Variants in FOXQ1 observed in about 807,000 individuals in gnomAD.
The protein encoded by FOXQ1 is forkhead box Q1.
Under a neutral mutation model 0.6 loss-of-function variants are expected in FOXQ1, and 1 was observed. The observed-to-expected ratio is 1.73, with a 90% CI of 0.61 to 8.20. The LOEUF is 8.20. Among genes scored for constraint, FOXQ1 ranks in the 30% most tolerant of loss-of-function variants. The probability of loss-of-function intolerance (pLI) is 0.13; values close to 1 mark genes in which losing one functional copy is unlikely to be tolerated. For synonymous variants in FOXQ1, 377 were observed against 294.4 expected (o/e 1.28, Z -2.87); for missense variants, 734 against 595.6 (o/e 1.23, Z -2.42).
In FOXQ1 at chr6:1,312,840, T is replaced by C. The variant is rs1202336607; in HGVS notation, c.136T>C (p.Cys46Arg). 7.7e-7 allele frequency: 1 copy of C among 1,292,426 alleles called. No homozygotes were observed. Among genetic ancestry groups the C allele is most frequent in the Non-Finnish European group, 9.8e-7 (1 of 1,022,512 alleles). 80.1% of individuals were successfully genotyped at this position (1,292,426 alleles called of 1,614,324 possible). ...CGACTCCCTGGGCTCAGATGGGGACTGCGCGGCCAACAGCCCGGCCGCGGG... is the reference window on the plus strand; with the variant it reads ...CGACTCCCTGGGCTCAGATGGGGACCGCGCGGCCAACAGCCCGGCCGCGGG... Reference protein sequence around the residue: ...GDDSLGSDGDCAANSPAAGGG... With the variant: ...GDDSLGSDGDRAANSPAAGGG... The change falls in exon 1 of 1, where the codon TGC (cysteine) becomes CGC (arginine). Residue 46 changes from cysteine to arginine, a missense_variant. Cys to Arg is a radical substitution (Grantham distance 180, BLOSUM62 -3). Transcript: ENST00000296839.
chr6:1,313,948 C>G lies in FOXQ1; in HGVS notation c.*32C>G. On this transcript the variant is annotated 3_prime_UTR_variant, in exon 1 of 1. Coordinates refer to ENST00000296839, the MANE Select transcript of FOXQ1 (RefSeq NM_033260.4). The surrounding 1 kb of genome is among the most constrained non-coding windows in gnomAD (Gnocchi z 5.2). ...CCGCGGGGCCCGGGAACGCCGAGTG[C>G]GCGCCGTCGGGGAGGCGGGAACGCG... 4 of 1,223,060 alleles carry G rather than the reference C, an allele frequency of 3.3e-6. No homozygotes were observed. The highest frequency in any genetic ancestry group is 4.1e-6 in the Non-Finnish European group (4 of 981,174). The allele number at this position is 1,223,060 out of a possible 1,614,324, so 75.8% of individuals were successfully genotyped here. A position where few individuals can be genotyped will look rare whatever the true frequency, so the allele number is the denominator to read the frequency against.
rs1757577526 is a variant in FOXQ1, at chr6:1,313,135, A to G, written c.431A>G (p.Glu144Gly). The G allele has an allele frequency of 1.9e-6, 3 of 1,607,922 alleles. No homozygotes were observed. The highest frequency in any genetic ancestry group is 3.4e-5 in the Admixed American group (2 of 59,692). Residue 144 changes from glutamate (E) to glycine (G), a missense_variant, in exon 1 of 1, where the codon GAG becomes GGG. By Grantham distance (98) the Glu-to-Gly change is moderately conservative (BLOSUM62 -2). Transcript: ENST00000296839. The surrounding 1 kb of genome is among the most constrained non-coding windows in gnomAD (Gnocchi z 5.2). ...GCGGGCGGGCGCTTGACGCTGGCGG[A>G]GATCAACGAGTACCTCATGGGCAAG... is the stretch of plus-strand genomic sequence containing the variant. The part of the protein sequence containing the change: ...DSAGGRLTLA[E>G]INEYLMGKFP...
At position 1,312,717 on chromosome 6, in the gene FOXQ1, G is replaced by A. The variant is rs1757566858; in HGVS notation, c.13G>A (p.Val5Met). Residue 5 changes from valine to methionine, a missense_variant, in exon 1 of 1, where the codon GTG becomes ATG. Physicochemically the swap from Val to Met is conservative, Grantham distance 21. Transcript: ENST00000296839. MKLE[V>M]FVPRAAHGDK... The stretch of plus-strand genomic sequence containing the variant: ...TGGGTGCGCGGGCATGAAGTTGGAG[G>A]TGTTCGTCCCTCGCGCGGCCCACGG... 1.5e-6 allele frequency: 2 copies of A among 1,359,242 alleles called. No individual in the cohort carries two copies. The highest frequency in any genetic ancestry group is 3.5e-5 in the Admixed American group (1 of 28,298). 84.2% of individuals were successfully genotyped at this position (1,359,242 alleles called of 1,614,324 possible).
In FOXQ1 at chr6:1,313,649, G is replaced by A. The variant is rs1323232287; in HGVS notation, c.945G>A (p.Ala315=). 3.2e-5 allele frequency: 33 copies of A among 1,046,882 alleles called. No homozygotes were observed. The highest frequency in any genetic ancestry group is 3.5e-5 in the Non-Finnish European group (31 of 873,462). 64.8% of individuals were successfully genotyped at this position (1,046,882 alleles called of 1,614,324 possible). The change falls in exon 1 of 1, where the codon GCG becomes GCA. Residue 315 remains alanine (A), a synonymous_variant. Coordinates refer to ENST00000296839, the MANE Select transcript of FOXQ1 (RefSeq NM_033260.4). The surrounding 1 kb of genome is among the most constrained non-coding windows in gnomAD (Gnocchi z 5.2). The part of the protein sequence containing the change: ...LPAFPALLPA[A]PCRALLPLCA... Reference sequence around the variant, plus strand: ...CGTTCCCCGCGCTCCTCCCCGCGGCGCCCTGCAGGGCCCTGCTGCCGCTCT... The same window carrying A: ...CGTTCCCCGCGCTCCTCCCCGCGGCACCCTGCAGGGCCCTGCTGCCGCTCT...
chr6:1,312,438 G>A lies in FOXQ1; in HGVS notation c.-267G>A. ...GGCCCCTGCACACACTCACCCCAAA[G>A]TCTCAACGTCGAACCGAAGGCGACA... is the stretch of plus-strand genomic sequence containing the variant. On this transcript the variant is annotated 5_prime_UTR_variant, in exon 1 of 1. Coordinates refer to ENST00000296839, the MANE Select transcript of FOXQ1 (RefSeq NM_033260.4). The A allele has an allele frequency of 2.6e-6, 1 of 387,392 alleles. No homozygotes were observed. The highest frequency in any genetic ancestry group is 4.2e-5 in the East Asian group (1 of 23,884). The allele number at this position is 387,392 out of a possible 1,614,324, so 24.0% of individuals were successfully genotyped here.
rs1437066329 is a variant in FOXQ1 at position 1,313,072 on chromosome 6, C to G, written c.368C>G (p.Ser123Trp). The G allele has an allele frequency of 4.4e-6, 7 of 1,605,124 alleles. No individual in the cohort carries two copies. Among genetic ancestry groups the G allele is most frequent in the African/African-American group, 1.3e-5 (1 of 74,218 alleles). The change falls in exon 1 of 1, where the codon TCG becomes TGG. Residue 123 changes from serine to tryptophan, a missense_variant. By Grantham distance (177) the Ser-to-Trp change is radical (BLOSUM62 -3). Transcript: ENST00000296839. This position sits in a 1 kb window ranked among gnomAD's most constrained non-coding sequence, Gnocchi z 5.2. ...PYTRRPKPPY[S>W]YIALIAMAIR... ...ACGCGGCGGCCCAAGCCCCCCTACTCGTACATCGCGCTCATCGCCATGGCC... is the reference window on the plus strand; with the variant it reads ...ACGCGGCGGCCCAAGCCCCCCTACTGGTACATCGCGCTCATCGCCATGGCC...
rs1757562055 is a variant in FOXQ1, at chr6:1,312,484, C to T, written c.-221C>T. ...CGACACCCACCCAACTCCTCCCTCT[C>T]CGCCCCATAGTCCACCCAACACTTG... On this transcript the variant is annotated 5_prime_UTR_variant, in exon 1 of 1. Coordinates refer to ENST00000296839, the MANE Select transcript of FOXQ1 (RefSeq NM_033260.4). 3.1e-6 allele frequency: 2 copies of T among 636,372 alleles called. No homozygotes were observed. The highest frequency in any genetic ancestry group is 3.5e-5 in the East Asian group (1 of 28,268). 39.4% of individuals were successfully genotyped at this position (636,372 alleles called of 1,614,324 possible). A position where few individuals can be genotyped will look rare whatever the true frequency, so the allele number is the denominator to read the frequency against.
In FOXQ1 at chr6:1,313,189, G is replaced by C. The variant is rs756796045; in HGVS notation, c.485G>C (p.Gly162Ala). The change falls in exon 1 of 1, where the codon GGC (glycine) becomes GCC (alanine). Residue 162 changes from glycine to alanine, a missense_variant. Transcript: ENST00000296839. This position sits in a 1 kb window ranked among gnomAD's most constrained non-coding sequence, Gnocchi z 5.2. ...CCCTTTTTCCGCGGCAGCTACACGG[G>C]CTGGCGCAACTCCGTGCGCCACAAC... ...KFPFFRGSYT[G>A]WRNSVRHNLS... The C allele has an allele frequency of 2.5e-6, 4 of 1,610,106 alleles. No individual in the cohort carries two copies. The highest frequency in any genetic ancestry group is 3.4e-6 in the Non-Finnish European group (4 of 1,178,678).
At position 1,312,616 on chromosome 6, in the gene FOXQ1, C is replaced by T; in HGVS notation, c.-89C>T. 1 of 1,263,046 alleles carries T rather than the reference C, an allele frequency of 7.9e-7. No homozygotes were observed. The allele number at this position is 1,263,046 out of a possible 1,614,324, so 78.2% of individuals were successfully genotyped here. A position where few individuals can be genotyped will look rare whatever the true frequency, so the allele number is the denominator to read the frequency against. On this transcript the variant is annotated 5_prime_UTR_variant, in exon 1 of 1. Coordinates refer to ENST00000296839, the MANE Select transcript of FOXQ1 (RefSeq NM_033260.4). Reference sequence around the variant, plus strand: ...AGAAAAAGGCGAAGATCCCCGGCCCCGGATCGCCATCCCCTTCCCTGGCAC... The same window carrying T: ...AGAAAAAGGCGAAGATCCCCGGCCCTGGATCGCCATCCCCTTCCCTGGCAC...
In FOXQ1 at chr6:1,312,786, G is replaced by T; in HGVS notation, c.82G>T (p.Ala28Ser). The T allele has an allele frequency of 7.6e-7, 1 of 1,308,160 alleles. No homozygotes were observed. The highest frequency in any genetic ancestry group is 9.7e-7 in the Non-Finnish European group (1 of 1,030,420). 81.0% of individuals were successfully genotyped at this position (1,308,160 alleles called of 1,614,324 possible). The change falls in exon 1 of 1, where the codon GCG (alanine) becomes TCG (serine). Residue 28 changes from alanine (A) to serine (S), a missense_variant. Physicochemically the swap from Ala to Ser is moderately conservative, Grantham distance 99. Transcript: ENST00000296839. Reference sequence around the variant, plus strand: ...CCTGGAGGGCGCGGGCGGCAGCGACGCGCCGTCCCCGCTGTCGGCGGCGGG... The same window carrying T: ...CCTGGAGGGCGCGGGCGGCAGCGACTCGCCGTCCCCGCTGTCGGCGGCGGG... Reference protein sequence around the residue: ...SDLEGAGGSDAPSPLSAAGDD... With the variant: ...SDLEGAGGSDSPSPLSAAGDD...
Position 1,312,579 on chromosome 6 carries a change from A to C in FOXQ1, c.-126A>C. 56 of 1,184,464 alleles carry C rather than the reference A, an allele frequency of 4.7e-5. No homozygotes were observed. The highest frequency in any genetic ancestry group is 7.9e-5 in the African/African-American group (5 of 63,238). The allele number at this position is 1,184,464 out of a possible 1,614,324, so 73.4% of individuals were successfully genotyped here. ...AGTGACTATCTCGGAAGACCAGGGT[A>C]GAGCTCCCGGGAGAAAAAGGCGAAG... On this transcript the variant is annotated 5_prime_UTR_variant, in exon 1 of 1. Transcript: ENST00000296839.
In FOXQ1 at chr6:1,314,475, A is replaced by G. The variant is rs1307247855; in HGVS notation, c.*559A>G. 1 of 166,848 alleles carries G rather than the reference A, an allele frequency of 6.0e-6. No individual in the cohort carries two copies. Among genetic ancestry groups the G allele is most frequent in the Non-Finnish European group, 1.5e-5 (1 of 68,130 alleles). 10.3% of individuals were successfully genotyped at this position (166,848 alleles called of 1,614,324 possible). A position where few individuals can be genotyped will look rare whatever the true frequency, so the allele number is the denominator to read the frequency against. Reference sequence around the variant, plus strand: ...AAAAAAAATGTTGGGTTTTGTAATTAAATTATTTATATATTTTTGAAACCC... The same window carrying G: ...AAAAAAAATGTTGGGTTTTGTAATTGAATTATTTATATATTTTTGAAACCC... On this transcript the variant is annotated 3_prime_UTR_variant, in exon 1 of 1. Coordinates refer to ENST00000296839, the MANE Select transcript of FOXQ1 (RefSeq NM_033260.4).
rs769346486 is a variant in FOXQ1, at chr6:1,313,377, C to T, written c.673C>T (p.Pro225Ser). The T allele has an allele frequency of 8.3e-6, 12 of 1,447,352 alleles. No individual in the cohort carries two copies. The Admixed American group carries it at 1.3e-4, about 15-fold the overall frequency. The allele number at this position is 1,447,352 out of a possible 1,614,324, so 89.7% of individuals were successfully genotyped here. Reference protein sequence around the residue: ...RLSHRAPVPAPGLRPEEAPGL... With the variant: ...RLSHRAPVPASGLRPEEAPGL... Reference sequence around the variant, plus strand: ...CAGCCACCGCGCGCCGGTCCCCGCGCCCGGGCTGCGGCCCGAGGAGGCCCC... The same window carrying T: ...CAGCCACCGCGCGCCGGTCCCCGCGTCCGGGCTGCGGCCCGAGGAGGCCCC... The change falls in exon 1 of 1, where the codon CCC becomes TCC. Residue 225 changes from proline to serine, a missense_variant. Coordinates refer to ENST00000296839, the MANE Select transcript of FOXQ1 (RefSeq NM_033260.4). This position sits in a 1 kb window ranked among gnomAD's most constrained non-coding sequence, Gnocchi z 5.2.
chr6:1,314,064 C>A lies in FOXQ1; in HGVS notation c.*148C>A. 3 of 1,069,034 alleles carry A rather than the reference C, an allele frequency of 2.8e-6. No individual in the cohort carries two copies. The highest frequency in any genetic ancestry group is 3.6e-6 in the Non-Finnish European group (3 of 834,608). The allele number at this position is 1,069,034 out of a possible 1,614,324, so 66.2% of individuals were successfully genotyped here. On this transcript the variant is annotated 3_prime_UTR_variant, in exon 1 of 1. Coordinates refer to ENST00000296839, the MANE Select transcript of FOXQ1 (RefSeq NM_033260.4). ...GTGCCTTAAAGCTAAAGCATTTTGA[C>A]AGGAGTATTTAAACTTAGTCCAGGA...
At position 1,312,768 on chromosome 6, in the gene FOXQ1, G is replaced by A. The variant is rs1410357339; in HGVS notation, c.64G>A (p.Gly22Ser). 18 of 1,318,270 alleles carry A rather than the reference G, an allele frequency of 1.4e-5. No individual in the cohort carries two copies. Among genetic ancestry groups the A allele is most frequent in the African/African-American group, 4.6e-5 (3 of 65,036 alleles). The allele number at this position is 1,318,270 out of a possible 1,614,324, so 81.7% of individuals were successfully genotyped here. The change falls in exon 1 of 1, where the codon GGC becomes AGC. Residue 22 changes from glycine to serine, a missense_variant. Physicochemically the swap from Gly to Ser is moderately conservative, Grantham distance 56. Transcript: ENST00000296839. ...GGACAAGCAGGGCAGTGACCTGGAG[G>A]GCGCGGGCGGCAGCGACGCGCCGTC... ...HGDKQGSDLE[G>S]AGGSDAPSPL...
In FOXQ1 at chr6:1,313,318, C is replaced by A; in HGVS notation, c.614C>A (p.Ala205Asp). 6.3e-7 allele frequency: 1 copy of A among 1,578,514 alleles called. No homozygotes were observed. Among genetic ancestry groups the A allele is most frequent in the Non-Finnish European group, 8.6e-7 (1 of 1,164,158 alleles). The stretch of plus-strand genomic sequence containing the variant: ...AACCCCAACAGCGAGTACACCTTCG[C>A]CGACGGGGTCTTCCGCCGCCGCCGC... Reference protein sequence around the residue: ...MLNPNSEYTFADGVFRRRRKR... With the variant: ...MLNPNSEYTFDDGVFRRRRKR... The change falls in exon 1 of 1, where the codon GCC (alanine) becomes GAC (aspartate). Residue 205 changes from alanine to aspartate, a missense_variant. Ala to Asp is a moderately radical substitution (Grantham distance 126). Transcript: ENST00000296839. The surrounding 1 kb of genome is among the most constrained non-coding windows in gnomAD (Gnocchi z 5.2).
Position 1,313,758 on chromosome 6 carries a change from C to T in FOXQ1, c.1054C>T (p.Pro352Ser), listed in dbSNP as rs926523446. Residue 352 changes from proline to serine, a missense_variant, in exon 1 of 1, where the codon CCT (proline) becomes TCT (serine). By Grantham distance (74) the Pro-to-Ser change is moderately conservative. Coordinates refer to ENST00000296839, the MANE Select transcript of FOXQ1 (RefSeq NM_033260.4). This position sits in a 1 kb window ranked among gnomAD's most constrained non-coding sequence, Gnocchi z 5.2. ...GACCGCGCCGCCCCTCCTGCTTGCA[C>T]CTCTCCCGGCGGCGGCCCCCGCCAA... ...PPTAPPLLLA[P>S]LPAAAPAKPL... 12 of 1,222,320 alleles carry T rather than the reference C, an allele frequency of 9.8e-6. No homozygotes were observed. In the African/African-American group the frequency reaches 1.1e-4, roughly 11 times the overall value. The allele number at this position is 1,222,320 out of a possible 1,614,324, so 75.7% of individuals were successfully genotyped here. A position where few individuals can be genotyped will look rare whatever the true frequency, so the allele number is the denominator to read the frequency against.
In FOXQ1 at chr6:1,313,523, C is replaced by G; in HGVS notation, c.819C>G (p.Ile273Met). 2 of 1,260,848 alleles carry G rather than the reference C, an allele frequency of 1.6e-6. No individual in the cohort carries two copies. The highest frequency in any genetic ancestry group is 1.6e-5 in the African/African-American group (1 of 62,672). The allele number at this position is 1,260,848 out of a possible 1,614,324, so 78.1% of individuals were successfully genotyped here. A position where few individuals can be genotyped will look rare whatever the true frequency, so the allele number is the denominator to read the frequency against. The change falls in exon 1 of 1, where the codon ATC (isoleucine) becomes ATG (methionine). Residue 273 changes from isoleucine (I) to methionine (M), a missense_variant. Ile to Met is a conservative substitution (Grantham distance 10). Transcript: ENST00000296839. This position sits in a 1 kb window ranked among gnomAD's most constrained non-coding sequence, Gnocchi z 5.2. Reference sequence around the variant, plus strand: ...GCAAGTTCTCCAGCTCCTTCGCCATCGACAGCATCCTGCGCAAGCCCTTCC... The same window carrying G: ...GCAAGTTCTCCAGCTCCTTCGCCATGGACAGCATCCTGCGCAAGCCCTTCC... ...PAGKFSSSFA[I>M]DSILRKPFRS... is the part of the protein sequence containing the mutation.
At position 1,313,813 on chromosome 6, in the gene FOXQ1, C is replaced by G. The variant is rs1381117171; in HGVS notation, c.1109C>G (p.Ala370Gly). 3.9e-6 allele frequency: 5 copies of G among 1,281,740 alleles called. No individual in the cohort carries two copies. The highest frequency in any genetic ancestry group is 4.9e-6 in the Non-Finnish European group (5 of 1,017,812). 79.4% of individuals were successfully genotyped at this position (1,281,740 alleles called of 1,614,324 possible). Residue 370 changes from alanine (A) to glycine (G), a missense_variant, in exon 1 of 1, where the codon GCG becomes GGG. Physicochemically the swap from Ala to Gly is moderately conservative, Grantham distance 60. Coordinates refer to ENST00000296839, the MANE Select transcript of FOXQ1 (RefSeq NM_033260.4). This position sits in a 1 kb window ranked among gnomAD's most constrained non-coding sequence, Gnocchi z 5.2. ...KPLRGPAAGG[A>G]HLYCPLRLPA... ...CTCCGAGGCCCGGCGGCCGGCGGCG[C>G]GCACCTGTACTGCCCCCTGCGGCTG...
Sources: allele counts gnomAD v4.1 joint callset, GRCh38; gene constraint gnomAD v4.1.1; non-coding constraint Gnocchi (gnomAD v3.1); transcripts MANE v1.5; gene names NCBI Gene and HGNC (gene_info 2026-07-23, HGNC 2026-07-21).